IL5RA: variants seen among roughly 807,000 people sequenced by gnomAD.
IL5RA encodes the protein interleukin-5 receptor subunit alpha.
In IL5RA, 49 loss-of-function variants were observed where a neutral mutation model predicts 50.0. The observed-to-expected ratio is 0.98, with a 90% CI of 0.78 to 1.24. The LOEUF (loss-of-function observed/expected upper bound fraction) is 1.24. IL5RA is among the 50% of genes most tolerant of loss of function. The pLI, the probability that IL5RA is intolerant of heterozygous loss-of-function variation, is 0.00. For synonymous variants in IL5RA, 202 were observed against 174.0 expected, an observed-to-expected ratio of 1.16 and a Z score of -1.26; for missense variants, 600 against 500.4, an observed-to-expected ratio of 1.20 and a Z score of -1.90.
At chr3:3,083,188 G>A (rs533571301) in intron 9 of IL5RA, among the ~76,000 whole-genome samples, 1 of 152,328 alleles carries the variant, frequency 6.6e-6, no homozygotes, top group African/African-American at 2.4e-5. Flanking sequence ...TTCCAGTGCA[G>A]GCAAGTCAGG....
chr3:3,095,817 C>T (rs757300303), intron 7 of IL5RA, among the ~76,000 whole-genome samples: 3 of 152,130 alleles, frequency 2.0e-5, no homozygotes, highest in Non-Finnish European at 4.4e-5. Context: ...TTCCCTGGAC[C>T]TTCCACCAAG....
At chr3:3,096,894 A>C (rs891585455) in intron 7 of IL5RA, among the ~76,000 whole-genome samples, 4 of 152,210 alleles carry the variant, frequency 2.6e-5, no homozygotes, top group Non-Finnish European at 4.4e-5. Flanking sequence ...TAAGTGCTTT[A>C]TCATTAGTAA....
At chr3:3,078,636 T>C (rs186839) in intron 9 of IL5RA, among the ~76,000 whole-genome samples, 114,457 of 152,094 alleles carry the variant, frequency 0.75, 43,912 homozygotes, top group African/African-American at 0.91. Context: ...GAGTTCAAGA[T>C]CAGCCTGGCC....
chr3:3,095,942 T>A (rs1703342020), intron 7 of IL5RA, among the ~76,000 whole-genome samples: 1 of 152,180 alleles, frequency 6.6e-6, no homozygotes, highest in African/African-American at 2.4e-5. Context: ...TTTGTTTGTT[T>A]GGGGGCTGGA....
At chr3:3,076,301 A>G (rs1211204388) in intron 10 of IL5RA, among the ~76,000 whole-genome samples, 2 of 138,990 alleles carry the variant, frequency 1.4e-5, no homozygotes, top group Non-Finnish European at 3.1e-5. Flanking sequence ...GGTAGGAGTG[A>G]GTGATAGCTG....
At chr3:3,071,130 T>A (rs1702282739) in intron 11 of IL5RA, among the ~76,000 whole-genome samples, 1 of 152,164 alleles carries the variant, frequency 6.6e-6, no homozygotes, top group Non-Finnish European at 1.5e-5. Context: ...TTTATCTCAT[T>A]TACTCATCCA....
intron 5 of IL5RA, among the ~76,000 whole-genome samples, chr3:3,101,127 C>A (rs1703630902): frequency 1.3e-5 from 2 of 149,944 alleles, no homozygotes; most frequent in South Asian, 2.1e-4. Flanking sequence ...TGCAGTGAGT[C>A]AAGAACACAC....
rs2125976967 is a variant in IL5RA, at chr3:3,095,440, T to C, written c.714A>G (p.Gln238=). 6.2e-7 allele frequency: 1 copy of C among 1,607,602 alleles called. No homozygotes were observed. Among genetic ancestry groups the C allele is most frequent in the Non-Finnish European group, 8.5e-7 (1 of 1,178,512 alleles). The change falls in exon 8 of 12, where the codon CAA becomes CAG. Residue 238 remains glutamine (Q), a synonymous_variant. Transcript: ENST00000446632. ...CTGTGACATTCAGTGGAGGATTTATTTGATCTAAGTTAGGGAACGAAAGAT... is the reference window on the plus strand; with the variant it reads ...CTGTGACATTCAGTGGAGGATTTATCTGATCTAAGTTAGGGAACGAAAGAT... ...DQLFALHAID[Q]INPPLNVTAE...
At chr3:3,095,768 G>A in intron 7 of IL5RA, among the ~76,000 whole-genome samples, 1 of 151,168 alleles carries the variant, frequency 6.6e-6, no homozygotes, top group East Asian at 1.9e-4. Flanking sequence ...TACTCAAGTT[G>A]TACCAGGCCC....
At chr3:3,076,670 G>C in intron 9 of IL5RA, 43 bp from the exon 10 acceptor site, 5 of 1,281,526 alleles carry the variant, frequency 3.9e-6, no homozygotes, top group Non-Finnish European at 5.6e-6. Context: ...TAAAGTCCAA[G>C]TTAGAAGCAG....
rs1176918443 is a variant in IL5RA, at chr3:3,092,915, C to T, written c.856-553G>A. Among the ~76,000 whole-genome samples the T allele has an allele frequency of 1.3e-5, 2 of 152,098 alleles. No homozygotes were observed. Among genetic ancestry groups the T allele is most frequent in the Non-Finnish European group, 2.9e-5 (2 of 68,020 alleles). On this transcript the variant is annotated intron_variant, in intron 8 of 11. Transcript: ENST00000446632. This position sits in a 1 kb window ranked among gnomAD's most constrained non-coding sequence, Gnocchi z 4.2. ...TCCCTTTTTTACTCCAGCCCTGTGA[C>T]CATTGCCTATTTTAGCTCTTATTAT...
At chr3:3,072,867 G>T (rs567636077) in intron 11 of IL5RA, among the ~76,000 whole-genome samples, 23 of 152,310 alleles carry the variant, frequency 1.5e-4, no homozygotes, top group African/African-American at 5.3e-4. Context: ...AGCCGAGATG[G>T]TTCCACTGCA....
At chr3:3,094,704 A>G (rs1703272348) in intron 8 of IL5RA, among the ~76,000 whole-genome samples, 1 of 151,858 alleles carries the variant, frequency 6.6e-6, no homozygotes, top group South Asian at 2.1e-4. Context: ...TAGTAGCTGC[A>G]TTATTTTAGT....
rs373210939 is a variant in IL5RA at position 3,100,244 on chromosome 3, C to T, written c.367+1448G>A. On this transcript the variant is annotated intron_variant, in intron 5 of 11. Transcript: ENST00000446632. ...TAAGTGAGCTGTAGATCATTTTTATCACTGTCAGCCAGTGTCTTTCAAGAA... is the reference window on the plus strand; with the variant it reads ...TAAGTGAGCTGTAGATCATTTTTATTACTGTCAGCCAGTGTCTTTCAAGAA... Among the ~76,000 whole-genome samples the T allele has an allele frequency of 7.2e-5, 11 of 152,270 alleles. No homozygotes were observed. The East Asian group carries it at 1.9e-3, about 27-fold the overall frequency.
In IL5RA at chr3:3,092,249, A is replaced by G; in HGVS notation, c.969T>C (p.Ser323=). ...CCACATAAATAGGTTGGCTCCACTC[A>G]CTCCAGAGCCCTGCCTCTCTGCACA... is the stretch of plus-strand genomic sequence containing the variant. The part of the protein sequence containing the change: ...SSMCREAGLW[S]EWSQPIYVGN... The change falls in exon 9 of 12, where the codon AGT becomes AGC. Residue 323 remains serine (S), a synonymous_variant. Transcript: ENST00000446632. The surrounding 1 kb of genome is among the most constrained non-coding windows in gnomAD (Gnocchi z 4.2). 6.2e-7 allele frequency: 1 copy of G among 1,613,784 alleles called. No homozygotes were observed. The highest frequency in any genetic ancestry group is 1.1e-5 in the South Asian group (1 of 91,014).
At position 3,108,558 on chromosome 3, in the gene IL5RA, A is replaced by G. The variant is rs1337991880; in HGVS notation, c.-12T>C. 2 of 152,242 alleles carry G rather than the reference A, an allele frequency of 1.3e-5. No homozygotes were observed. Among genetic ancestry groups the G allele is most frequent in the Non-Finnish European group, 2.9e-5 (2 of 68,040 alleles). The allele number at this position is 152,242 out of a possible 1,614,324, so 9.4% of individuals were successfully genotyped here. A position where few individuals can be genotyped will look rare whatever the true frequency, so the allele number is the denominator to read the frequency against. ...CATGCTCCTGGGCGTACCTGTCTAC[A>G]GACGATCCTCTTGTTCCGACCAGTA... is the stretch of plus-strand genomic sequence containing the variant. On this transcript the variant is annotated 5_prime_UTR_variant, in exon 2 of 12. Coordinates refer to ENST00000446632, the MANE Select transcript of IL5RA (RefSeq NM_175726.4).
rs557639997 is a variant in IL5RA at position 3,085,512 on chromosome 3, T to C, written c.994+6712A>G. 2.7e-4 allele frequency among the ~76,000 whole-genome samples: 41 copies of C among 151,924 alleles called. No homozygotes were observed. The South Asian group carries it at 8.1e-3, about 30-fold the overall frequency. ...TTAGAGCTCCAGGTGGGAGTCAGAG[T>C]GCAAGGAATCAGGTTGGAGCTGCGG... is the stretch of plus-strand genomic sequence containing the variant. On this transcript the variant is annotated intron_variant, in intron 9 of 11. Transcript: ENST00000446632.
chr3:3,080,841 C>T (rs984826162), intron 9 of IL5RA, among the ~76,000 whole-genome samples: 2 of 152,182 alleles, frequency 1.3e-5, no homozygotes, highest in Non-Finnish European at 1.5e-5. Flanking sequence ...ACCACAGGCA[C>T]GCATCACCAT....
chr3:3,078,051 G>A (rs910889173), intron 9 of IL5RA, among the ~76,000 whole-genome samples: 4 of 152,160 alleles, frequency 2.6e-5, no homozygotes, highest in African/African-American at 7.2e-5. Flanking sequence ...CTGTCATGGA[G>A]TCCATTAGGA....
Sources: allele counts gnomAD v4.1 joint callset (sites outside exome capture counted in the v4.1 genomes callset), GRCh38; gene constraint gnomAD v4.1.1; non-coding constraint Gnocchi (gnomAD v3.1); transcripts MANE v1.5; gene names NCBI Gene and HGNC (gene_info 2026-07-23, HGNC 2026-07-21).